Variants in PLCE1 observed in about 807,000 individuals in gnomAD.
PLCE1 encodes the protein phospholipase C epsilon 1.
PLCE1 carries 119 observed loss-of-function variants against 242.8 expected under a neutral mutation model. The observed-to-expected ratio is 0.49, with a 90% CI of 0.42 to 0.57. The LOEUF is 0.57. Among genes scored for constraint, PLCE1 ranks in the 20% least tolerant of loss-of-function variants. The probability of loss-of-function intolerance (pLI) is 0.00; values close to 1 mark genes in which losing one functional copy is unlikely to be tolerated. For synonymous variants in PLCE1, 945 were observed against 1,017.4 expected (o/e 0.93, Z 1.35); for missense variants, 2,441 against 2,788.8 (o/e 0.88, Z 2.81).
Position 94,258,835 on chromosome 10 carries a change from A to C in PLCE1, c.3590A>C (p.Lys1197Thr). 6.2e-7 allele frequency: 1 copy of C among 1,614,100 alleles called. No individual in the cohort carries two copies. Among genetic ancestry groups the C allele is most frequent in the Non-Finnish European group, 8.5e-7 (1 of 1,179,974 alleles). Residue 1197 changes from lysine (K) to threonine (T), a missense_variant, in exon 12 of 33, where the codon AAA becomes ACA. Lys to Thr is a moderately conservative substitution (Grantham distance 78). This residue lies in a region of PLCE1 where 1,004 missense variants were observed against 1,322.7 expected (regional missense o/e 0.76). Transcript: ENST00000371380. ...WSSSSWHGRI[K>T]GGMKGFQSFM... ...AGTAGTAGCTGGCACGGGCGGATCA[A>C]AGGCGGCATGAAGGGATTTCAGAGC...
At position 94,171,433 on chromosome 10, in the gene PLCE1, G is replaced by A. The variant is rs770246086; in HGVS notation, c.1746G>A (p.Ser582=). The part of the protein sequence containing the change: ...LPCLKASISA[S]ILTTQNGEHN... ...GCCTCAAAGCATCCATCTCAGCGTCGATTCTTACCACTCAGAATGGAGAGC... is the reference window on the plus strand; with the variant it reads ...GCCTCAAAGCATCCATCTCAGCGTCAATTCTTACCACTCAGAATGGAGAGC... Residue 582 remains serine (S), a synonymous_variant, in exon 4 of 33, where the codon TCG becomes TCA. Coordinates refer to ENST00000371380, the MANE Select transcript of PLCE1 (RefSeq NM_016341.4). 6 of 1,614,176 alleles carry A rather than the reference G, an allele frequency of 3.7e-6. No homozygotes were observed. The highest frequency in any genetic ancestry group is 5.1e-6 in the Non-Finnish European group (6 of 1,180,014).
chr10:94,204,998 A>G (rs1278228633), intron 4 of PLCE1, among the ~76,000 whole-genome samples: 1 of 152,250 alleles, frequency 6.6e-6, no homozygotes, highest in Non-Finnish European at 1.5e-5. Flanking sequence ...TTGCTCACTG[A>G]CAGTCTTACT....
intron 2 of PLCE1, among the ~76,000 whole-genome samples, chr10:94,115,401 T>G (rs2046091674): frequency 6.6e-6 from 1 of 152,212 alleles, no homozygotes; most frequent in South Asian, 2.1e-4. Context: ...AAAGTGTTCC[T>G]ATTTCTCCAC....
At chr10:94,214,671 G>T (rs1054021227) in intron 4 of PLCE1, among the ~76,000 whole-genome samples, 1 of 152,134 alleles carries the variant, frequency 6.6e-6, no homozygotes, top group Non-Finnish European at 1.5e-5. Flanking sequence ...TTGGCTGGTT[G>T]TCGGTCTCCT....
chr10:94,281,211 A>G (rs996760252), intron 20 of PLCE1, among the ~76,000 whole-genome samples: 5 of 152,226 alleles, frequency 3.3e-5, no homozygotes, highest in African/African-American at 1.2e-4. Context: ...TGAAATAAAA[A>G]TCACACCTAA....
At chr10:94,117,481 C>G (rs2046168399) in intron 2 of PLCE1, among the ~76,000 whole-genome samples, 1 of 152,208 alleles carries the variant, frequency 6.6e-6, no homozygotes, top group Admixed American at 6.5e-5. Flanking sequence ...ATGCCAAACA[C>G]TCGTTGCACT....
At chr10:94,003,463 G>T (rs771857611) in intron 1 of PLCE1, among the ~76,000 whole-genome samples, 26 of 152,160 alleles carry the variant, frequency 1.7e-4, no homozygotes, top group Admixed American at 3.9e-4. Context: ...TTGCAATTCT[G>T]CTGTGGCAGT....
At chr10:94,064,024 G>C (rs1410616871) in intron 2 of PLCE1, among the ~76,000 whole-genome samples, 1 of 152,126 alleles carries the variant, frequency 6.6e-6, no homozygotes. Flanking sequence ...AGGGTACTGA[G>C]AGGTGGACTG....
At chr10:94,184,260 T>G (rs2048401019) in intron 4 of PLCE1, among the ~76,000 whole-genome samples, 1 of 152,204 alleles carries the variant, frequency 6.6e-6, no homozygotes, top group Non-Finnish European at 1.5e-5. Flanking sequence ...CCCTTTGCGT[T>G]TGAAATAAAA....
intron 6 of PLCE1, among the ~76,000 whole-genome samples, chr10:94,235,133 A>C (rs527816575): frequency 6.6e-6 from 1 of 150,700 alleles, no homozygotes; most frequent in East Asian, 2.0e-4. Flanking sequence ...ATGGAGTGGG[A>C]AGACTCTCCT....
chr10:94,204,733 AAAGAAGAAGGGAGGG>A (rs2049093199), intron 4 of PLCE1, among the ~76,000 whole-genome samples: 1 of 146,552 alleles, frequency 6.8e-6, no homozygotes, highest in Admixed American at 7.0e-5. Context: ...GGAAGGAAGG[AAAGAAGAAGGGAGGG>A]AGGAAGGAAG....
intron 5 of PLCE1, among the ~76,000 whole-genome samples, chr10:94,228,247 TC>T (rs755871413): frequency 1.1e-4 from 16 of 152,150 alleles, no homozygotes; most frequent in South Asian, 2.1e-4. Context: ...CTGTTCTTAC[TC>T]CTGTGGGAGG....
chr10:94,183,045 A>G (rs1428490458), intron 4 of PLCE1, among the ~76,000 whole-genome samples: 1 of 152,218 alleles, frequency 6.6e-6, no homozygotes, highest in East Asian at 1.9e-4. Context: ...GACTCTGAAC[A>G]CTGTGGGAAA....
At chr10:94,092,452 G>A (rs1275996817) in intron 2 of PLCE1, among the ~76,000 whole-genome samples, 2 of 152,190 alleles carry the variant, frequency 1.3e-5, no homozygotes, top group Non-Finnish European at 2.9e-5. Flanking sequence ...ACAGTGCAAA[G>A]AGAATTGCTC....
intron 20 of PLCE1, chr10:94,280,289 TCACG>T (rs2052156242): frequency 3.1e-6 from 1 of 325,824 alleles, no homozygotes; most frequent in Non-Finnish European, 5.9e-6. Flanking sequence ...GGGGGCAGCA[TCACG>T]GCTCTGTGCT....
intron 21 of PLCE1, 122 bp downstream of exon 21, chr10:94,284,033 C>A: frequency 2.6e-6 from 3 of 1,164,986 alleles, no homozygotes; most frequent in Non-Finnish European, 3.8e-6. Flanking sequence ...CCCTTAGATA[C>A]CTGCCAAAGT....
chr10:94,055,011 CAAAAAAA>C (rs71306823), intron 2 of PLCE1, among the ~76,000 whole-genome samples: 3 of 91,204 alleles, frequency 3.3e-5, no homozygotes, highest in African/African-American at 7.1e-5. Context: ...GACTCCATCT[CAAAAAAA>C]AAAAAAAAAA....
At chr10:94,195,115 G>A (rs935947969) in intron 4 of PLCE1, among the ~76,000 whole-genome samples, 4 of 152,102 alleles carry the variant, frequency 2.6e-5, no homozygotes, top group African/African-American at 7.2e-5. Flanking sequence ...AGAAAAAAAC[G>A]TTGTATCCAC....
At chr10:94,113,625 C>G (rs745544475) in intron 2 of PLCE1, among the ~76,000 whole-genome samples, 1 of 152,190 alleles carries the variant, frequency 6.6e-6, no homozygotes, top group Non-Finnish European at 1.5e-5. Context: ...CTCCATTTTA[C>G]TATTTTGAAA....
Sources: allele counts gnomAD v4.1 joint callset (sites outside exome capture counted in the v4.1 genomes callset), GRCh38; gene constraint gnomAD v4.1.1; regional missense constraint gnomAD v4.1.1; transcripts MANE v1.5; gene names NCBI Gene and HGNC (gene_info 2026-07-23, HGNC 2026-07-21).